The following BCKDHB variants were observed in gnomAD, a reference collection of about 807,000 sequenced individuals.
BCKDHB encodes 2-oxoisovalerate dehydrogenase subunit beta, mitochondrial.
BCKDHB carries 41 observed loss-of-function variants against 48.5 expected under a neutral mutation model. The ratio of observed to expected loss-of-function variants is 0.85; its 90% CI spans 0.66 to 1.10. The LOEUF (loss-of-function observed/expected upper bound fraction) is 1.10. Ranked by LOEUF, BCKDHB falls within the 50% of genes least tolerant of loss-of-function variation. BCKDHB has a pLI of 0.00. For missense variants in BCKDHB, 496 were observed against 494.2 expected, an observed-to-expected ratio of 1.00 and a Z score of -0.03; for synonymous variants, 201 against 174.8, an observed-to-expected ratio of 1.15 and a Z score of -1.18.
At chr6:80,408,945 G>T in the BCKDHB span, among the ~76,000 whole-genome samples, 1 of 151,954 alleles carries the variant, frequency 6.6e-6, no homozygotes, top group African/African-American at 2.4e-5. Context: ...TGCTTCTCCA[G>T]TTCTATTTAT....
rs755637620 is a variant in BCKDHB, at chr6:80,171,329, A to G, written c.681A>G (p.Ser227=). The change falls in exon 6 of 10, where the codon TCA becomes TCG. Residue 227 remains serine (S), a synonymous_variant. Transcript: ENST00000320393. ...TCCAGGCCAAAGGACTTCTTTTGTC[A>G]TGCATAGAGGATAAAAATCCTTGTA... ...SPFQAKGLLL[S]CIEDKNPCIF... The G allele has an allele frequency of 1.9e-6, 3 of 1,609,108 alleles. No individual in the cohort carries two copies. The highest frequency in any genetic ancestry group is 2.2e-5 in the South Asian group (2 of 90,276).
chr6:80,243,435 T>C (rs1280993511), intron 8 of BCKDHB, among the ~76,000 whole-genome samples: 6 of 152,208 alleles, frequency 3.9e-5, no homozygotes, highest in Non-Finnish European at 8.8e-5. Context: ...TCAATGTAGA[T>C]AGAAAGAATA....
At position 80,230,285 on chromosome 6, in the gene BCKDHB, G is replaced by A. The variant is rs553490444; in HGVS notation, c.951+27073G>A. On this transcript the variant is annotated intron_variant, in intron 8 of 9. Transcript: ENST00000320393. ...GATCTCCTGACCTCGTGATCCGCCC[G>A]CCTCGGCCTCCCAAAGTGCTGGGAT... 9.9e-5 allele frequency among the ~76,000 whole-genome samples: 15 copies of A among 151,716 alleles called. No homozygotes were observed. The East Asian group carries it at 1.9e-3, about 20-fold the overall frequency.
At chr6:80,408,079 G>T in the BCKDHB span, among the ~76,000 whole-genome samples, 1 of 152,042 alleles carries the variant, frequency 6.6e-6, no homozygotes, top group East Asian at 1.9e-4. Context: ...GTTGAATTTT[G>T]TTGAAGGCCT....
the BCKDHB span, among the ~76,000 whole-genome samples, chr6:80,462,046 A>G: frequency 3.3e-5 from 5 of 152,076 alleles, no homozygotes; most frequent in Non-Finnish European, 7.3e-5. Flanking sequence ...GTTCCTATCC[A>G]TAAAAAATAA....
chr6:80,374,464 T>C, the BCKDHB span: 1 of 755,276 alleles, frequency 1.3e-6, no homozygotes, highest in East Asian at 2.5e-5. Flanking sequence ...ATACCCTTGA[T>C]GGCCTGGGCA....
intron 1 of BCKDHB, among the ~76,000 whole-genome samples, chr6:80,127,025 A>G (rs967767798): frequency 2.6e-5 from 4 of 152,260 alleles, no homozygotes; most frequent in Middle Eastern, 6.8e-3. Flanking sequence ...AATAAGAAGG[A>G]CTAAATATGA....
At chr6:80,390,733 T>G in the BCKDHB span, among the ~76,000 whole-genome samples, 1 of 152,128 alleles carries the variant, frequency 6.6e-6, no homozygotes, top group African/African-American at 2.4e-5. Context: ...TCAGGAGATG[T>G]GTATAGGTTC....
At chr6:80,394,389 G>T in the BCKDHB span, among the ~76,000 whole-genome samples, 92 of 150,610 alleles carry the variant, frequency 6.1e-4, no homozygotes, top group Admixed American at 2.8e-3. Context: ...TTCTATTCTT[G>T]TTCTTTTGGA....
the BCKDHB span, among the ~76,000 whole-genome samples, chr6:80,423,462 C>A: frequency 2.0e-5 from 3 of 152,142 alleles, no homozygotes; most frequent in Non-Finnish European, 4.4e-5. Flanking sequence ...CTTATTCCAC[C>A]ATCTTGCTAA....
At chr6:80,139,852 T>C (rs990828711) in intron 3 of BCKDHB, among the ~76,000 whole-genome samples, 12 of 152,336 alleles carry the variant, frequency 7.9e-5, no homozygotes, top group Admixed American at 7.2e-4. Context: ...AAGTCATTGG[T>C]AGCTTGATGG....
chr6:80,418,804 A>C, the BCKDHB span, among the ~76,000 whole-genome samples: 1 of 151,984 alleles, frequency 6.6e-6, no homozygotes, highest in Non-Finnish European at 1.5e-5. Flanking sequence ...GCTGCAGCAG[A>C]GTGCTAGTGG....
chr6:80,352,721 C>T, the BCKDHB span, among the ~76,000 whole-genome samples: 26 of 152,242 alleles, frequency 1.7e-4, no homozygotes, highest in African/African-American at 5.1e-4. Flanking sequence ...AAATATGTGA[C>T]ATATATTTCA....
At chr6:80,185,089 C>T (rs1773581297) in intron 6 of BCKDHB, among the ~76,000 whole-genome samples, 1 of 152,092 alleles carries the variant, frequency 6.6e-6, no homozygotes, top group African/African-American at 2.4e-5. Flanking sequence ...TAGGTTTGGT[C>T]GTTTAACATA....
At chr6:80,222,161 C>T (rs766445194) in intron 8 of BCKDHB, among the ~76,000 whole-genome samples, 13 of 152,128 alleles carry the variant, frequency 8.5e-5, no homozygotes, top group Non-Finnish European at 1.5e-4. Context: ...TTATTTCCAT[C>T]TTTGTGTCTG....
At chr6:80,282,339 A>G (rs189641105) in intron 9 of BCKDHB, among the ~76,000 whole-genome samples, 93 of 152,290 alleles carry the variant, frequency 6.1e-4, no homozygotes, top group Admixed American at 2.8e-3. Context: ...AAATTGATTC[A>G]CGTTTCCAGG....
At chr6:80,406,485 A>G in the BCKDHB span, among the ~76,000 whole-genome samples, 1 of 152,300 alleles carries the variant, frequency 6.6e-6, no homozygotes, top group Non-Finnish European at 1.5e-5. Context: ...GTGTAAAAGC[A>G]TTCCTATTTC....
At chr6:80,237,894 A>G (rs1776210593) in intron 8 of BCKDHB, among the ~76,000 whole-genome samples, 1 of 152,234 alleles carries the variant, frequency 6.6e-6, no homozygotes, top group Non-Finnish European at 1.5e-5. Flanking sequence ...AAAAAAAGGA[A>G]GAATGAAATA....
At chr6:80,435,965 G>A in the BCKDHB span, among the ~76,000 whole-genome samples, 1 of 152,130 alleles carries the variant, frequency 6.6e-6, no homozygotes, top group African/African-American at 2.4e-5. Flanking sequence ...GCCAGGAGGC[G>A]GAGGTTGACA....
Sources: gnomAD v4.1 joint callset for allele counts (sites outside exome capture counted in the v4.1 genomes callset) on GRCh38, gnomAD v4.1.1 for gene constraint, MANE v1.5 for transcripts, NCBI Gene and HGNC (gene_info 2026-07-23, HGNC 2026-07-21) for gene names.